FARS2: variants seen among roughly 807,000 people sequenced by gnomAD.
FARS2 encodes phenylalanine--tRNA ligase, mitochondrial.
A neutral mutation model predicts 46.4 loss-of-function variants in FARS2; 40 were observed. The ratio of observed to expected loss-of-function variants is 0.86; its 90% CI spans 0.67 to 1.12. The LOEUF (loss-of-function observed/expected upper bound fraction) is 1.12, where lower values mean the gene tolerates loss of function less well. Among genes scored for constraint, FARS2 ranks in the 50% most tolerant of loss-of-function variants. The pLI is 0.00. For synonymous variants in FARS2, 234 were observed against 214.9 expected (o/e 1.09, Z -0.78); for missense variants, 513 against 567.9 (o/e 0.90, Z 0.98).
At chr6:5,436,770 T>A (rs983200605) in intron 4 of FARS2, among the ~76,000 whole-genome samples, 1 of 152,118 alleles carries the variant, frequency 6.6e-6, no homozygotes, top group Non-Finnish European at 1.5e-5. Context: ...AGCATCAGAG[T>A]CTGGAGGTCT....
intron 6 of FARS2, among the ~76,000 whole-genome samples, chr6:5,685,132 G>A (rs576721377): frequency 1.4e-4 from 22 of 151,864 alleles, no homozygotes; most frequent in South Asian, 2.1e-4. Flanking sequence ...AGAGGCAGCC[G>A]CAAGCAGAAT....
chr6:5,439,638 G>C (rs557637412), intron 4 of FARS2, among the ~76,000 whole-genome samples: 1 of 152,332 alleles, frequency 6.6e-6, no homozygotes, highest in South Asian at 2.1e-4. Context: ...TGTAGTTTGG[G>C]TTGTGAATGC....
At chr6:5,667,521 A>AG (rs1778203094) in intron 6 of FARS2, among the ~76,000 whole-genome samples, 1 of 96,348 alleles carries the variant, frequency 1.0e-5, no homozygotes. Context: ...CCGTCTCAAG[A>AG]AAAAAAAAAA....
chr6:5,715,567 CAT>C (rs1317825610), intron 6 of FARS2, among the ~76,000 whole-genome samples: 1 of 152,138 alleles, frequency 6.6e-6, no homozygotes, highest in Non-Finnish European at 1.5e-5. Flanking sequence ...TATAAGGAAT[CAT>C]ATAATATGTG....
At chr6:5,721,060 GA>G (rs1163383906) in intron 6 of FARS2, among the ~76,000 whole-genome samples, 1 of 151,890 alleles carries the variant, frequency 6.6e-6, no homozygotes, top group Non-Finnish European at 1.5e-5. Flanking sequence ...TCTTTAAAAA[GA>G]AATAAAGTTT....
intron 1 of FARS2, among the ~76,000 whole-genome samples, chr6:5,292,646 G>T (rs1281756843): frequency 1.3e-5 from 2 of 152,196 alleles, no homozygotes; most frequent in Non-Finnish European, 2.9e-5. Flanking sequence ...TTGAGTTTGA[G>T]GTACCTGAGG....
At chr6:5,757,382 G>C (rs997288999) in intron 6 of FARS2, among the ~76,000 whole-genome samples, 2 of 152,000 alleles carry the variant, frequency 1.3e-5, no homozygotes, top group East Asian at 3.9e-4. Context: ...GGAGCAAATA[G>C]CATCATTTCT....
chr6:5,691,570 C>A (rs1038567093), intron 6 of FARS2, among the ~76,000 whole-genome samples: 1 of 152,134 alleles, frequency 6.6e-6, no homozygotes, highest in Non-Finnish European at 1.5e-5. Flanking sequence ...AGAGGAGTAC[C>A]CGGCCGTGTG....
At chr6:5,639,050 G>A (rs925022244) in intron 6 of FARS2, among the ~76,000 whole-genome samples, 12 of 152,302 alleles carry the variant, frequency 7.9e-5, no homozygotes, top group Admixed American at 2.0e-4. Context: ...ATGCATGTAC[G>A]GTGAAATTGA....
At chr6:5,421,160 G>A (rs140835909) in intron 3 of FARS2, among the ~76,000 whole-genome samples, 9 of 152,254 alleles carry the variant, frequency 5.9e-5, no homozygotes, top group African/African-American at 2.2e-4. Context: ...TGACTTCTGT[G>A]TACTCACAGG....
chr6:5,280,839 A>G (rs2127853915), intron 1 of FARS2, among the ~76,000 whole-genome samples: 1 of 152,180 alleles, frequency 6.6e-6, no homozygotes, highest in South Asian at 2.1e-4. Flanking sequence ...TTTTCAATAT[A>G]TTGTAGGTAT....
chr6:5,531,703 A>C (rs766636630), intron 4 of FARS2, among the ~76,000 whole-genome samples: 15 of 152,190 alleles, frequency 9.9e-5, no homozygotes, highest in Non-Finnish European at 2.2e-4. Context: ...TTCAGGCAGG[A>C]GATTGATCTT....
At chr6:5,489,396 G>A (rs945703405) in intron 4 of FARS2, among the ~76,000 whole-genome samples, 15 of 152,204 alleles carry the variant, frequency 9.9e-5, no homozygotes, top group Non-Finnish European at 1.5e-5. Flanking sequence ...AGAGGTTGCA[G>A]TGAGCTGAGA....
intron 6 of FARS2, among the ~76,000 whole-genome samples, chr6:5,687,901 G>A (rs1452365908): frequency 1.3e-5 from 2 of 152,122 alleles, no homozygotes; most frequent in Non-Finnish European, 2.9e-5. Flanking sequence ...AGTTCTCCTT[G>A]AAGAGGTCCT....
intron 6 of FARS2, among the ~76,000 whole-genome samples, chr6:5,716,946 A>G (rs1301807754): frequency 6.6e-6 from 1 of 152,206 alleles, no homozygotes; most frequent in African/African-American, 2.4e-5. Context: ...TTGGATAGGC[A>G]TGTTGAAGCA....
chr6:5,395,485 C>T (rs1760847603), intron 2 of FARS2, among the ~76,000 whole-genome samples: 1 of 152,104 alleles, frequency 6.6e-6, no homozygotes, highest in Non-Finnish European at 1.5e-5. Flanking sequence ...TGGCCCTGAT[C>T]AGTTATTTAT....
In FARS2 at chr6:5,396,835, G is replaced by T. The variant is rs540141530; in HGVS notation, c.613-7707G>T. Among the ~76,000 whole-genome samples, 5 of 152,244 alleles carry T rather than the reference G, an allele frequency of 3.3e-5. No homozygotes were observed. In the South Asian group the frequency reaches 1.0e-3, roughly 32 times the overall value. ...GCCCCTCACCTTCACCTCTTCAAGAGCGGTAAATTGGTTCCAGGGCTGTTG... is the reference window on the plus strand; with the variant it reads ...GCCCCTCACCTTCACCTCTTCAAGATCGGTAAATTGGTTCCAGGGCTGTTG... On this transcript the variant is annotated intron_variant, in intron 2 of 6. Coordinates refer to ENST00000274680, the MANE Select transcript of FARS2 (RefSeq NM_006567.5).
At chr6:5,322,891 A>T (rs1770083244) in intron 1 of FARS2, among the ~76,000 whole-genome samples, 2 of 152,322 alleles carry the variant, frequency 1.3e-5, no homozygotes, top group Admixed American at 6.5e-5. Context: ...ATTCCTGGAC[A>T]TCTGATTACC....
At chr6:5,483,698 T>G (rs1160083069) in intron 4 of FARS2, among the ~76,000 whole-genome samples, 1 of 151,222 alleles carries the variant, frequency 6.6e-6, no homozygotes, top group Non-Finnish European at 1.5e-5. Flanking sequence ...ATAATAAAAA[T>G]GAATAAATAA....
Sources: allele counts gnomAD v4.1 joint callset (sites outside exome capture counted in the v4.1 genomes callset), GRCh38; gene constraint gnomAD v4.1.1; transcripts MANE v1.5; gene names NCBI Gene and HGNC (gene_info 2026-07-23, HGNC 2026-07-21).